The following LPP variants were observed in gnomAD, a reference collection of about 807,000 sequenced individuals.
LPP encodes the protein LIM domain containing preferred translocation partner in lipoma.
LPP carries 38 observed loss-of-function variants against 60.4 expected under a neutral mutation model. That is an observed-to-expected ratio of 0.63 (90% CI 0.49 to 0.83). LPP has a LOEUF of 0.83. Among genes scored for constraint, LPP ranks in the 40% least tolerant of loss-of-function variants. The pLI is 0.00. For missense variants in LPP, 902 were observed against 783.6 expected, an observed-to-expected ratio of 1.15 and a Z score of -1.80; for synonymous variants, 328 against 290.8, an observed-to-expected ratio of 1.13 and a Z score of -1.30.
chr3:188,197,540 C>T (rs1577233192), intron 1 of LPP, among the ~76,000 whole-genome samples: 1 of 152,070 alleles, frequency 6.6e-6, no homozygotes, highest in African/African-American at 2.4e-5. Context: ...CCTTCACAGC[C>T]GCCTTTCTGT....
At chr3:188,828,601 C>A (rs1380001165) in intron 9 of LPP, among the ~76,000 whole-genome samples, 2 of 100,536 alleles carry the variant, frequency 2.0e-5, no homozygotes, top group Non-Finnish European at 3.6e-5. Context: ...GCAACAAGAG[C>A]GAAACTCTGT....
At chr3:188,335,977 C>T (rs1050660761) in intron 2 of LPP, among the ~76,000 whole-genome samples, 15 of 152,174 alleles carry the variant, frequency 9.9e-5, no homozygotes, top group African/African-American at 3.6e-4. Flanking sequence ...GGTCTCCATG[C>T]AGCTTCTAAA....
chr3:188,221,718 C>T (rs1014184159), intron 1 of LPP, among the ~76,000 whole-genome samples: 2 of 152,132 alleles, frequency 1.3e-5, no homozygotes, highest in Non-Finnish European at 2.9e-5. Flanking sequence ...CTTTTTATTT[C>T]ACTTAAGAAT....
intron 9 of LPP, among the ~76,000 whole-genome samples, chr3:188,808,095 C>A (rs1411857186): frequency 6.6e-6 from 1 of 151,860 alleles, no homozygotes; most frequent in African/African-American, 2.4e-5. Context: ...TGCTGTGATT[C>A]CCCTTAGTGC....
chr3:188,304,117 AATT>A (rs1206512394), intron 2 of LPP, among the ~76,000 whole-genome samples: 1 of 152,112 alleles, frequency 6.6e-6, no homozygotes, highest in Non-Finnish European at 1.5e-5. Context: ...TAGTCATATA[AATT>A]ATAATAAATG....
intron 9 of LPP, among the ~76,000 whole-genome samples, chr3:188,823,733 G>A (rs538825643): frequency 1.3e-5 from 2 of 152,120 alleles, no homozygotes; most frequent in South Asian, 4.2e-4. Context: ...TTCTATTGGA[G>A]GTTTTGGAGG....
At chr3:188,490,274 G>A (rs1807931005) in intron 5 of LPP, among the ~76,000 whole-genome samples, 1 of 152,110 alleles carries the variant, frequency 6.6e-6, no homozygotes, top group African/African-American at 2.4e-5. Context: ...CAGAATTAGT[G>A]GAAAAGTAGA....
At position 188,610,346 on chromosome 3, in the gene LPP, T is replaced by C. The variant is rs779816689; in HGVS notation, c.1113+502T>C. Among the ~76,000 whole-genome samples, 1 of 152,154 alleles carries C rather than the reference T, an allele frequency of 6.6e-6. No individual in the cohort carries two copies. The highest frequency in any genetic ancestry group is 1.5e-5 in the Non-Finnish European group (1 of 68,030). On this transcript the variant is annotated intron_variant, in intron 7 of 11. Coordinates refer to ENST00000617246, the MANE Select transcript of LPP (RefSeq NM_001375462.1). This position sits in a 1 kb window ranked among gnomAD's most constrained non-coding sequence, Gnocchi z 4.4. ...GGCTGTGGCCCTGTGAAGGCGATTA[T>C]AACTCCCGCAATGTTGGTACCACAG... is the stretch of plus-strand genomic sequence containing the variant.
chr3:188,827,551 T>G (rs1011533734), intron 9 of LPP, among the ~76,000 whole-genome samples: 2 of 152,154 alleles, frequency 1.3e-5, no homozygotes, highest in African/African-American at 4.8e-5. Context: ...GAGTTCAAAC[T>G]GGCGGAGTCA....
At chr3:188,802,708 C>T (rs35431167) in intron 9 of LPP, among the ~76,000 whole-genome samples, 15,150 of 151,758 alleles carry the variant, frequency 0.1, 1,009 homozygotes, top group Non-Finnish European at 0.15. Flanking sequence ...CACTTGAACC[C>T]GGGAGGTGGA....
intron 2 of LPP, among the ~76,000 whole-genome samples, chr3:188,262,935 A>G (rs1469325386): frequency 1.3e-5 from 2 of 152,022 alleles, no homozygotes; most frequent in Non-Finnish European, 2.9e-5. Context: ...GGTCATAGAA[A>G]CAGTGGCAGA....
intron 1 of LPP, among the ~76,000 whole-genome samples, chr3:188,175,916 G>A (rs1316161795): frequency 6.6e-6 from 1 of 152,078 alleles, no homozygotes; most frequent in African/African-American, 2.4e-5. Flanking sequence ...GTGCAGTGGA[G>A]TATACTGTCT....
chr3:188,539,012 G>A (rs1824416364), intron 6 of LPP, among the ~76,000 whole-genome samples: 1 of 152,274 alleles, frequency 6.6e-6, no homozygotes, highest in South Asian at 2.1e-4. Context: ...GTGGCCAGGG[G>A]GAGGGGACAA....
intron 8 of LPP, among the ~76,000 whole-genome samples, chr3:188,739,076 G>A (rs1723514648): frequency 6.6e-6 from 1 of 152,006 alleles, no homozygotes; most frequent in Non-Finnish European, 1.5e-5. Context: ...TTAGATAAAT[G>A]CCTATAGCAC....
intron 7 of LPP, among the ~76,000 whole-genome samples, chr3:188,645,961 G>A (rs1297038079): frequency 6.6e-6 from 1 of 151,998 alleles, no homozygotes; most frequent in Non-Finnish European, 1.5e-5. Context: ...ATATTTTAAA[G>A]CTTTGCCTAC....
At chr3:188,769,703 T>A (rs1735248587) in intron 9 of LPP, among the ~76,000 whole-genome samples, 1 of 152,206 alleles carries the variant, frequency 6.6e-6, no homozygotes, top group African/African-American at 2.4e-5. Context: ...ACCATGAGTC[T>A]TCATGAGGCC....
At chr3:188,593,886 A>G (rs1839463437) in intron 6 of LPP, among the ~76,000 whole-genome samples, 1 of 152,190 alleles carries the variant, frequency 6.6e-6, no homozygotes, top group Non-Finnish European at 1.5e-5. Flanking sequence ...GCTACTGTGA[A>G]TTGTGCTGCT....
rs377068275 is a variant in LPP, at chr3:188,673,093, C to A, written c.1114-35174C>A. Among the ~76,000 whole-genome samples, 176 of 152,092 alleles carry A rather than the reference C, an allele frequency of 1.2e-3. 4 individuals are homozygous for A. The South Asian group carries it at 0.035, about 30-fold the overall frequency. ...AGTAGAGAAAAAGGCATATAAATAA[C>A]TTTCTTATCACTGGTTATATGCTTT... On this transcript the variant is annotated intron_variant, in intron 7 of 11. Coordinates refer to ENST00000617246, the MANE Select transcript of LPP (RefSeq NM_001375462.1).
intron 5 of LPP, among the ~76,000 whole-genome samples, chr3:188,501,825 G>A (rs1279248657): frequency 3.9e-5 from 6 of 152,012 alleles, no homozygotes; most frequent in African/African-American, 2.4e-5. Context: ...GCTGAGGCAG[G>A]AGAATCGCTT....
Sources: allele counts gnomAD v4.1 joint callset (sites outside exome capture counted in the v4.1 genomes callset), GRCh38; gene constraint gnomAD v4.1.1; non-coding constraint Gnocchi (gnomAD v3.1); transcripts MANE v1.5; gene names NCBI Gene and HGNC (gene_info 2026-07-23, HGNC 2026-07-21).